The following IGSF21 variants were observed in gnomAD, a reference collection of about 807,000 sequenced individuals.
IGSF21 encodes immunoglobulin superfamily member 21.
IGSF21 carries 28 observed loss-of-function variants against 46.8 expected under a neutral mutation model. The observed-to-expected ratio is 0.60, with a 90% confidence interval of 0.44 to 0.82. The LOEUF is 0.82. IGSF21 is among the 40% of genes least tolerant of loss of function. IGSF21 has a pLI of 0.00. For missense variants in IGSF21, 624 were observed against 665.5 expected, an observed-to-expected ratio of 0.94 and a Z score of 0.69; for synonymous variants, 284 against 273.6, an observed-to-expected ratio of 1.04 and a Z score of -0.38.
chr1:18,364,445 G>A lies in IGSF21; in HGVS notation c.541-778G>A, dbSNP rs557844720. Among the ~76,000 whole-genome samples the A allele has an allele frequency of 3.7e-4, 36 of 97,374 alleles. No homozygotes were observed. In the South Asian group the frequency reaches 0.01, roughly 27 times the overall value. 63.9% of individuals were successfully genotyped at this position (97,374 alleles called of 152,430 possible). The stretch of plus-strand genomic sequence containing the variant: ...CCCTCCCTCCACACACTTTCCTTCC[G>A]CTCCCCCACCTGTGTCCCAGAGAGC... On this transcript the variant is annotated intron_variant, in intron 5 of 9. Transcript: ENST00000251296.
chr1:18,126,880 G>A (rs549451748), intron 1 of IGSF21, among the ~76,000 whole-genome samples: 1 of 152,230 alleles, frequency 6.6e-6, no homozygotes, highest in Non-Finnish European at 1.5e-5. Context: ...AGGGTGTCAG[G>A]TGCTGATGAG....
intron 2 of IGSF21, among the ~76,000 whole-genome samples, chr1:18,263,269 A>C (rs939450364): frequency 6.6e-6 from 1 of 152,186 alleles, no homozygotes; most frequent in Non-Finnish European, 1.5e-5. Flanking sequence ...AAGGACTCTT[A>C]CTGCCTGGGA....
At chr1:18,320,248 GA>G in intron 3 of IGSF21, among the ~76,000 whole-genome samples, 1 of 152,320 alleles carries the variant, frequency 6.6e-6, no homozygotes, top group Non-Finnish European at 1.5e-5. Flanking sequence ...GCTGATAGGA[GA>G]AGCTGGCTGG....
At chr1:18,345,725 G>A (rs767243262) in intron 4 of IGSF21, among the ~76,000 whole-genome samples, 3 of 152,146 alleles carry the variant, frequency 2.0e-5, no homozygotes, top group Non-Finnish European at 4.4e-5. Context: ...ACCAGGGACT[G>A]TTCTGCTTAA....
intron 2 of IGSF21, among the ~76,000 whole-genome samples, chr1:18,268,944 C>G (rs1028296924): frequency 3.3e-5 from 5 of 152,152 alleles, no homozygotes; most frequent in Non-Finnish European, 7.3e-5. Flanking sequence ...TGATAGCTCC[C>G]AGGTATGTTG....
intron 3 of IGSF21, among the ~76,000 whole-genome samples, chr1:18,305,228 C>T (rs1005136669): frequency 3.1e-5 from 4 of 129,888 alleles, no homozygotes; most frequent in East Asian, 2.4e-4. Context: ...GATGGATGGA[C>T]GATGGATGAA....
intron 2 of IGSF21, among the ~76,000 whole-genome samples, chr1:18,238,130 G>T (rs548883433): frequency 7.9e-5 from 12 of 152,264 alleles, no homozygotes; most frequent in African/African-American, 2.9e-4. Flanking sequence ...CCCAGGAAAT[G>T]CAACAGCAGG....
Position 18,306,120 on chromosome 1 carries a change from C to T in IGSF21, c.305+14133C>T, listed in dbSNP as rs879864031. Reference sequence around the variant, plus strand: ...TGAAGCCCTCCATGGGCTTCCCACTCACTTGGGATAGAACCCAGTCTCCCA... The same window carrying T: ...TGAAGCCCTCCATGGGCTTCCCACTTACTTGGGATAGAACCCAGTCTCCCA... On this transcript the variant is annotated intron_variant, in intron 3 of 9. Transcript: ENST00000251296. Among the ~76,000 whole-genome samples the T allele has an allele frequency of 9.2e-5, 14 of 152,186 alleles. 1 individual carries two copies. The highest frequency in any genetic ancestry group is 1.3e-4 in the Non-Finnish European group (9 of 68,030).
intron 4 of IGSF21, among the ~76,000 whole-genome samples, chr1:18,342,466 A>T (rs188524700): frequency 1.1e-4 from 16 of 152,342 alleles, no homozygotes; most frequent in Non-Finnish European, 1.9e-4. Flanking sequence ...TGTAAAGTGT[A>T]AAAAACAGTG....
intron 3 of IGSF21, among the ~76,000 whole-genome samples, chr1:18,301,065 A>C (rs149496766): frequency 1.3e-3 from 203 of 152,282 alleles, no homozygotes; most frequent in African/African-American, 4.2e-3. Flanking sequence ...AACAGTTAGC[A>C]AAACTCTTTC....
At chr1:18,239,966 A>G (rs567580302) in intron 2 of IGSF21, among the ~76,000 whole-genome samples, 14 of 152,356 alleles carry the variant, frequency 9.2e-5, no homozygotes, top group Middle Eastern at 3.4e-3. Flanking sequence ...CCTTGGGAAT[A>G]GAGCACAGAA....
At chr1:18,161,401 G>T (rs1358574893) in intron 1 of IGSF21, among the ~76,000 whole-genome samples, 1 of 152,162 alleles carries the variant, frequency 6.6e-6, no homozygotes, top group Admixed American at 6.5e-5. Context: ...AGGCCTGCCT[G>T]ATTCCAACAT....
rs75987549 is a variant in IGSF21, at chr1:18,196,472, C to A, written c.71-31426C>A. Among the ~76,000 whole-genome samples the A allele has an allele frequency of 2.6e-5, 4 of 152,170 alleles. No homozygotes were observed. In the East Asian group the frequency reaches 7.7e-4, roughly 29 times the overall value. ...GTGCAGCCAAGAGCTCAACAACCAA[C>A]ATACTTAGATGTCAGCAGGAGAGCC... is the stretch of plus-strand genomic sequence containing the variant. On this transcript the variant is annotated intron_variant, in intron 1 of 9. Coordinates refer to ENST00000251296, the MANE Select transcript of IGSF21 (RefSeq NM_032880.5).
At chr1:18,262,702 C>A (rs1474992852) in intron 2 of IGSF21, among the ~76,000 whole-genome samples, 2 of 152,188 alleles carry the variant, frequency 1.3e-5, no homozygotes, top group Non-Finnish European at 1.5e-5. Flanking sequence ...CTGCTTGGAT[C>A]CTCGTTGCCT....
chr1:18,315,601 C>G (rs1174090596), intron 3 of IGSF21, among the ~76,000 whole-genome samples: 2 of 116,908 alleles, frequency 1.7e-5, no homozygotes, highest in Non-Finnish European at 3.7e-5. Flanking sequence ...GGTGGATGGA[C>G]AGATGGTAGG....
At position 18,376,383 on chromosome 1, in the gene IGSF21, C is replaced by T; in HGVS notation, c.1089C>T (p.Val363=). The stretch of plus-strand genomic sequence containing the variant: ...TAGGGGACACAGTGAGGATTCTGGT[C>T]CATGGGTTTCAGGTCAGCCTCTCTC... The part of the protein sequence containing the change: ...ARVGDTVRIL[V]HGFQNEVFPE... The change falls in exon 7 of 10, where the codon GTC becomes GTT. Residue 363 remains valine, a synonymous_variant. Coordinates refer to ENST00000251296, the MANE Select transcript of IGSF21 (RefSeq NM_032880.5). 1 of 1,613,370 alleles carries T rather than the reference C, an allele frequency of 6.2e-7. No homozygotes were observed. The highest frequency in any genetic ancestry group is 8.5e-7 in the Non-Finnish European group (1 of 1,179,404).
chr1:18,281,792 G>A (rs2124556393), intron 2 of IGSF21, among the ~76,000 whole-genome samples: 1 of 152,286 alleles, frequency 6.6e-6, no homozygotes, highest in African/African-American at 2.4e-5. Flanking sequence ...GCAGGGAGGA[G>A]GCAGCGAGGA....
intron 3 of IGSF21, among the ~76,000 whole-genome samples, chr1:18,295,065 G>A (rs1395611997): frequency 6.6e-6 from 1 of 152,206 alleles, no homozygotes; most frequent in Non-Finnish European, 1.5e-5. Flanking sequence ...GCAATTTCGC[G>A]GGTAGCCTAG....
At chr1:18,225,085 T>TCTCTCTCTCTCTCTCTCTCTCTCA in intron 1 of IGSF21, among the ~76,000 whole-genome samples, 6 of 51,578 alleles carry the variant, frequency 1.2e-4, no homozygotes, top group Non-Finnish European at 1.6e-4. Flanking sequence ...TCTCTCTCTC[T>TCTCTCTCTCTCTCTCTCTCTCTCA]CACACACACA....
Sources: allele counts gnomAD v4.1 joint callset (sites outside exome capture counted in the v4.1 genomes callset), GRCh38; gene constraint gnomAD v4.1.1; transcripts MANE v1.5; gene names NCBI Gene and HGNC (gene_info 2026-07-23, HGNC 2026-07-21).